ALDH7A1: variants seen among roughly 807,000 people sequenced by gnomAD.
ALDH7A1 encodes the protein alpha-aminoadipic semialdehyde dehydrogenase.
A neutral mutation model predicts 79.9 loss-of-function variants in ALDH7A1; 63 were observed. The ratio of observed to expected loss-of-function variants is 0.79; its 90% CI spans 0.64 to 0.97. The LOEUF is 0.97. ALDH7A1 is among the 50% of genes least tolerant of loss of function. ALDH7A1 has a pLI of 0.00. For synonymous variants in ALDH7A1, 240 were observed against 231.2 expected (o/e 1.04, Z -0.34); for missense variants, 627 against 665.2 (o/e 0.94, Z 0.63).
chr5:126,569,181 G>C (rs1750694514), intron 8 of ALDH7A1: 1 of 152,198 alleles, frequency 6.6e-6, no homozygotes, highest in South Asian at 2.1e-4. Context: ...GTGCATGCAA[G>C]GGATCTAGAT....
intron 7 of ALDH7A1, among the ~76,000 whole-genome samples, chr5:126,572,758 C>T (rs960095748): frequency 2.0e-5 from 3 of 152,160 alleles, no homozygotes; most frequent in Non-Finnish European, 4.4e-5. Context: ...CAAGGTAACC[C>T]CACACCTCTC....
intron 16 of ALDH7A1, among the ~76,000 whole-genome samples, chr5:126,548,423 C>CT (rs576390384): frequency 0.73 from 103,243 of 141,056 alleles, 37,740 homozygotes; most frequent in Admixed American, 0.78. Context: ...CAGCCCAAAA[C>CT]TTTTTTTTTT....
intron 5 of ALDH7A1, chr5:126,581,834 C>T (rs572718048): frequency 1.8e-5 from 4 of 217,576 alleles, no homozygotes; most frequent in East Asian, 9.3e-5. Flanking sequence ...AAAAATTAGC[C>T]GGGTGTGATG....
chr5:126,546,356 A>G lies in ALDH7A1; in HGVS notation c.1533T>C (p.Asp511=). 6.2e-7 allele frequency: 1 copy of G among 1,614,244 alleles called. No homozygotes were observed. ...HTGGGRESGS[D]AWKQYMRRST... is the part of the protein sequence containing the mutation. ...ACCTTCTCATGTACTGTTTCCAGGC[A>G]TCACTGCCAGACTCCCTGCCACCAC... The change falls in exon 17 of 18, where the codon GAT becomes GAC. Residue 511 remains aspartate, a synonymous_variant. Transcript: ENST00000409134.
In ALDH7A1 at chr5:126,595,040, G is replaced by A. The variant is rs972160076; in HGVS notation, c.159C>T (p.Gly53=). 1.9e-6 allele frequency: 3 copies of A among 1,609,178 alleles called. No individual in the cohort carries two copies. Among genetic ancestry groups the A allele is most frequent in the Non-Finnish European group, 2.5e-6 (3 of 1,178,250 alleles). Residue 53 remains glycine, a synonymous_variant, in exon 1 of 18, where the codon GGC becomes GGT. Coordinates refer to ENST00000409134, the MANE Select transcript of ALDH7A1 (RefSeq NM_001182.5). ...KELGLREENE[G]VYNGSWGGRG... Reference sequence around the variant, plus strand: ...GGCCTCCCCAGCTTCCATTATACACGCCCTCGTTTTCCTCGCGGAGCCCCA... The same window carrying A: ...GGCCTCCCCAGCTTCCATTATACACACCCTCGTTTTCCTCGCGGAGCCCCA...
intron 13 of ALDH7A1, among the ~76,000 whole-genome samples, chr5:126,552,670 T>A (rs1050982145): frequency 6.6e-6 from 1 of 152,174 alleles, no homozygotes; most frequent in African/African-American, 2.4e-5. Context: ...GTGCTGGGAT[T>A]ACAGGTGTGA....
chr5:126,577,451 A>T (rs751846663), intron 5 of ALDH7A1, among the ~76,000 whole-genome samples: 8 of 152,204 alleles, frequency 5.3e-5, no homozygotes, highest in Admixed American at 2.6e-4. Context: ...AACTCTGCAT[A>T]GATCAGAGCA....
chr5:126,563,728 T>C (rs1479658528), intron 9 of ALDH7A1, among the ~76,000 whole-genome samples: 1 of 152,024 alleles, frequency 6.6e-6, no homozygotes, highest in African/African-American at 2.4e-5. Flanking sequence ...TGACCTCGGG[T>C]GATCCGCCCG....
intron 9 of ALDH7A1, 197 bp downstream of exon 9, chr5:126,568,062 A>G: frequency 1.8e-6 from 1 of 540,736 alleles, no homozygotes; most frequent in South Asian, 2.0e-5. Flanking sequence ...GGATTTTCAT[A>G]AATTTTGGTA....
In ALDH7A1 at chr5:126,583,338, G is replaced by A. The variant is rs972635193; in HGVS notation, c.394-364C>T. ...TCTACTAAAAATACAAAAATCAGCCGGGCATGGTGGTGCACACCTGTAATC... is the reference window on the plus strand; with the variant it reads ...TCTACTAAAAATACAAAAATCAGCCAGGCATGGTGGTGCACACCTGTAATC... On this transcript the variant is annotated intron_variant, in intron 4 of 17. Transcript: ENST00000409134. Among the ~76,000 whole-genome samples the A allele has an allele frequency of 1.1e-4, 16 of 151,652 alleles. No individual in the cohort carries two copies. The East Asian group carries it at 1.4e-3, about 13-fold the overall frequency.
chr5:126,564,829 G>A (rs912501768), intron 9 of ALDH7A1, among the ~76,000 whole-genome samples: 1 of 152,092 alleles, frequency 6.6e-6, no homozygotes, highest in African/African-American at 2.4e-5. Context: ...CAGAAGAGGA[G>A]GGATCTATAC....
intron 5 of ALDH7A1, among the ~76,000 whole-genome samples, chr5:126,578,940 A>G (rs777690132): frequency 2.9e-4 from 44 of 151,978 alleles, no homozygotes; most frequent in Admixed American, 2.6e-4. Flanking sequence ...GCCCTCCTTA[A>G]TCTGGGCACC....
At chr5:126,579,935 G>A (rs1751114928) in intron 5 of ALDH7A1, 1 of 166,468 alleles carries the variant, frequency 6.0e-6, no homozygotes, top group Non-Finnish European at 1.5e-5. Flanking sequence ...ACTCCAGCCT[G>A]GGTGACAGAT....
chr5:126,594,656 G>A (rs1248346663), intron 1 of ALDH7A1, among the ~76,000 whole-genome samples: 1 of 151,812 alleles, frequency 6.6e-6, no homozygotes, highest in Non-Finnish European at 1.5e-5. Context: ...ATGTCGGTCA[G>A]GCTGGTCTTG....
chr5:126,567,276 C>G (rs1750614568), intron 9 of ALDH7A1, among the ~76,000 whole-genome samples: 1 of 152,118 alleles, frequency 6.6e-6, no homozygotes, highest in South Asian at 2.1e-4. Context: ...TATAAATGAC[C>G]CTGTCTCCTT....
chr5:126,558,227 A>C (rs1295262826), intron 11 of ALDH7A1, among the ~76,000 whole-genome samples: 1 of 151,246 alleles, frequency 6.6e-6, no homozygotes, highest in Non-Finnish European at 1.5e-5. Flanking sequence ...GCTCAGTTAT[A>C]GTATAGTCTT....
chr5:126,552,658 G>C (rs1214394249), intron 13 of ALDH7A1, among the ~76,000 whole-genome samples: 3 of 151,898 alleles, frequency 2.0e-5, no homozygotes, highest in Admixed American at 2.0e-4. Flanking sequence ...CAGCCTCCCA[G>C]AGTGCTGGGA....
intron 14 of ALDH7A1, among the ~76,000 whole-genome samples, chr5:126,551,717 CAGG>C (rs1375145520): frequency 1.3e-5 from 2 of 152,192 alleles, no homozygotes; most frequent in African/African-American, 2.4e-5. Context: ...TACCACGGTT[CAGG>C]AGAAGGTGAC....
intron 16 of ALDH7A1, among the ~76,000 whole-genome samples, chr5:126,547,001 C>A (rs1749807394): frequency 6.6e-6 from 1 of 152,086 alleles, no homozygotes; most frequent in African/African-American, 2.4e-5. Context: ...AATGCACAAG[C>A]AAAGTAAAAA....
Sources: gnomAD v4.1 joint callset for allele counts (sites outside exome capture counted in the v4.1 genomes callset) on GRCh38, gnomAD v4.1.1 for gene constraint, MANE v1.5 for transcripts, NCBI Gene and HGNC (gene_info 2026-07-23, HGNC 2026-07-21) for gene names.